TNFRSF25: variants seen among roughly 807,000 people sequenced by gnomAD.
TNFRSF25 encodes tumor necrosis factor receptor superfamily member 25.
TNFRSF25 carries 28 observed loss-of-function variants against 49.4 expected under a neutral mutation model. That is an observed-to-expected ratio of 0.57 (90% confidence interval 0.42 to 0.78). The LOEUF is 0.78. Ranked by LOEUF, TNFRSF25 falls within the 30% of genes least tolerant of loss-of-function variation. The probability of loss-of-function intolerance (pLI) is 0.00; values close to 1 mark genes in which losing one functional copy is unlikely to be tolerated. For missense variants in TNFRSF25, 531 were observed against 581.6 expected (o/e 0.91, Z 0.90); for synonymous variants, 240 against 234.2 (o/e 1.02, Z -0.23).
chr1:6,461,936 A>G lies in TNFRSF25; in HGVS notation c.925+58T>C. 4.5e-6 allele frequency: 7 copies of G among 1,544,528 alleles called. No individual in the cohort carries two copies. Among genetic ancestry groups the G allele is most frequent in the Non-Finnish European group, 6.1e-6 (7 of 1,148,746 alleles). On this transcript the variant is annotated intron_variant, in intron 9 of 9. Transcript: ENST00000356876. The surrounding 1 kb of genome is among the most constrained non-coding windows in gnomAD (Gnocchi z 6.3). ...AAAGGGAACACGTTGTGAAACCACA[A>G]CTTCCCACCGCAGACAGGAGAATGG...
chr1:6,465,984 G>A (rs1381915149), intron 1 of TNFRSF25, 85 bp downstream of exon 1: 2 of 1,510,070 alleles, frequency 1.3e-6, no homozygotes, highest in South Asian at 1.2e-5. Context: ...GGCTTGGAGT[G>A]GAGACGCGCC....
At chr1:6,465,959 C>T in intron 1 of TNFRSF25, 110 bp downstream of exon 1, 1 of 1,478,470 alleles carries the variant, frequency 6.8e-7, no homozygotes. Context: ...GGGCGGCCAA[C>T]CCAGCCCCCA....
At chr1:6,464,094 C>G (rs1644261111) in intron 5 of TNFRSF25, 1 of 1,307,710 alleles carries the variant, frequency 7.6e-7, no homozygotes, top group Non-Finnish European at 9.8e-7. Context: ...ATGTGACTCT[C>G]TGTGTAAGTG....
chr1:6,465,752 AG>A (rs942432945), intron 1 of TNFRSF25, 192 bp from the exon 2 acceptor site: 39 of 1,428,038 alleles, frequency 2.7e-5, no homozygotes, highest in Admixed American at 5.8e-5. Flanking sequence ...CAGGCTTCGG[AG>A]GGGGCGCTTA....
rs1003700687 is a variant in TNFRSF25 at position 6,465,985 on chromosome 1, G to C, written c.39+84C>G. 2.4e-5 allele frequency: 37 copies of C among 1,514,218 alleles called. 1 individual carries two copies. In the African/African-American group the frequency reaches 4.8e-4, roughly 20 times the overall value. The allele number at this position is 1,514,218 out of a possible 1,614,324, so 93.8% of individuals were successfully genotyped here. The stretch of plus-strand genomic sequence containing the variant: ...CCAGCCCCCAGTGAGGCTTGGAGTG[G>C]AGACGCGCCCGGGGCCCCTTCCTTC... On this transcript the variant is annotated intron_variant, in intron 1 of 9. Coordinates refer to ENST00000356876, the MANE Select transcript of TNFRSF25 (RefSeq NM_003790.3).
In TNFRSF25 at chr1:6,461,378, T is replaced by TAGGGCTAC; in HGVS notation, c.*55_*56insGTAGCCCT. On this transcript the variant is annotated 3_prime_UTR_variant, in exon 10 of 10. Transcript: ENST00000356876. The surrounding 1 kb of genome is among the most constrained non-coding windows in gnomAD (Gnocchi z 6.3). The stretch of plus-strand genomic sequence containing the variant: ...AAATGTCTACACGCATAAGTAACCG[T>TAGGGCTAC]ACTTAGGGCTTCTGCAAGGGCCACC... The TAGGGCTAC allele has an allele frequency of 1.4e-6, 2 of 1,469,818 alleles. No individual in the cohort carries two copies. Among genetic ancestry groups the TAGGGCTAC allele is most frequent in the South Asian group, 2.8e-5 (2 of 70,984 alleles). 91.0% of individuals were successfully genotyped at this position (1,469,818 alleles called of 1,614,324 possible).
At position 6,462,753 on chromosome 1, in the gene TNFRSF25, A is replaced by AC. The variant is rs753622499; in HGVS notation, c.707-88dup. 5.7e-6 allele frequency: 9 copies of AC among 1,582,290 alleles called. No homozygotes were observed. The highest frequency in any genetic ancestry group is 6.9e-6 in the Non-Finnish European group (8 of 1,163,640). On this transcript the variant is annotated intron_variant, in intron 7 of 9. Coordinates refer to ENST00000356876, the MANE Select transcript of TNFRSF25 (RefSeq NM_003790.3). The surrounding 1 kb of genome is among the most constrained non-coding windows in gnomAD (Gnocchi z 4.2). The stretch of plus-strand genomic sequence containing the variant: ...TACAGCTCCTCTAGGGTTCCTCTGC[A>AC]CCCCACACTCCCTGCCTCAGTTTCC...
chr1:6,462,198 G>A lies in TNFRSF25; in HGVS notation c.745-24C>T. On this transcript the variant is annotated intron_variant, in intron 8 of 9. Transcript: ENST00000356876. The surrounding 1 kb of genome is among the most constrained non-coding windows in gnomAD (Gnocchi z 4.2). ...GCCTGGAAGCCAAGAGGGGCCCCAG[G>A]TCAGCCCTGCTTGCCAAGTAAGGCC... The A allele has an allele frequency of 1.3e-6, 2 of 1,584,644 alleles. No homozygotes were observed. The highest frequency in any genetic ancestry group is 8.6e-7 in the Non-Finnish European group (1 of 1,164,332).
chr1:6,463,203 G>A, intron 5 of TNFRSF25, 76 bp from the exon 6 acceptor site: 2 of 1,444,296 alleles, frequency 1.4e-6, no homozygotes, highest in African/African-American at 2.8e-5. Flanking sequence ...CCCAGCATCT[G>A]CTCCATCCTA....
In TNFRSF25 at chr1:6,461,138, C is replaced by G. The variant is rs1414761386; in HGVS notation, c.*296G>C. The G allele has an allele frequency of 1.6e-6, 1 of 631,508 alleles. No homozygotes were observed. 39.1% of individuals were successfully genotyped at this position (631,508 alleles called of 1,614,324 possible). A position where few individuals can be genotyped will look rare whatever the true frequency, so the allele number is the denominator to read the frequency against. The stretch of plus-strand genomic sequence containing the variant: ...ACTTAACACCCCAGCCCCGCAGAAA[C>G]GCCAAGAAGCCGTTTTTGTTTTGTT... On this transcript the variant is annotated 3_prime_UTR_variant, in exon 10 of 10. Transcript: ENST00000356876. This position sits in a 1 kb window ranked among gnomAD's most constrained non-coding sequence, Gnocchi z 6.3.
chr1:6,461,743 T>A lies in TNFRSF25; in HGVS notation c.945A>T (p.Thr315=), dbSNP rs924240146. The change falls in exon 10 of 10, where the codon ACA becomes ACT. Residue 315 remains threonine (T), a synonymous_variant. Coordinates refer to ENST00000356876, the MANE Select transcript of TNFRSF25 (RefSeq NM_003790.3). The surrounding 1 kb of genome is among the most constrained non-coding windows in gnomAD (Gnocchi z 6.3). ...AGCCGGCTGGGGACTCTGGCGAGAG[T>A]GTGGGCGCAGCAGCGGGGCCTGGGG... ...SRALGPAAAP[T]LSPESPAGSP... 1 of 1,534,504 alleles carries A rather than the reference T, an allele frequency of 6.5e-7. No homozygotes were observed. The highest frequency in any genetic ancestry group is 8.7e-7 in the Non-Finnish European group (1 of 1,144,856).
chr1:6,465,621 C>A, intron 1 of TNFRSF25, 61 bp from the exon 2 acceptor site: 1 of 1,567,068 alleles, frequency 6.4e-7, no homozygotes, highest in East Asian at 2.4e-5. Flanking sequence ...CTCCCTGCTG[C>A]GTCTCCTCCA....
In TNFRSF25 at chr1:6,461,651, C is replaced by G. The variant is rs1314826177; in HGVS notation, c.1037G>C (p.Arg346Pro). 1.2e-6 allele frequency: 2 copies of G among 1,604,064 alleles called. No homozygotes were observed. Among genetic ancestry groups the G allele is most frequent in the Admixed American group, 1.7e-5 (1 of 59,658 alleles). Residue 346 changes from arginine (R) to proline (P), a missense_variant, in exon 10 of 10, where the codon CGC becomes CCC. Physicochemically the swap from Arg to Pro is moderately radical, Grantham distance 103. Coordinates refer to ENST00000356876, the MANE Select transcript of TNFRSF25 (RefSeq NM_003790.3). This position sits in a 1 kb window ranked among gnomAD's most constrained non-coding sequence, Gnocchi z 6.3. ...YDVMDAVPAR[R>P]WKEFVRTLGL... ...CAGCGTGCGCACGAACTCCTTCCAG[C>G]GCCGCGCTGGGACCGCGTCCATCAC... is the stretch of plus-strand genomic sequence containing the variant.
Position 6,465,094 on chromosome 1 carries a change from C to T in TNFRSF25, c.289G>A (p.Glu97Lys), listed in dbSNP as rs778683694. The T allele has an allele frequency of 4.3e-6, 7 of 1,612,946 alleles. No homozygotes were observed. In the South Asian group the frequency reaches 4.4e-5, roughly 10 times the overall value. ...GCACTGAGAAGCCCCTCACCCTGCT[C>T]ATCACAGGCCTGGCAGCGGGCACAT... ...SECARCQACDEQASQVALENC... is the reference protein window; with the variant it reads ...SECARCQACDKQASQVALENC... Residue 97 changes from glutamate to lysine, a missense_variant, in exon 3 of 10, where the codon GAG becomes AAG. Physicochemically the swap from Glu to Lys is moderately conservative, Grantham distance 56 (BLOSUM62 1). Coordinates refer to ENST00000356876, the MANE Select transcript of TNFRSF25 (RefSeq NM_003790.3).
Position 6,463,146 on chromosome 1 carries a change from G to C in TNFRSF25, c.543-19C>G, listed in dbSNP as rs1226342046. The C allele has an allele frequency of 9.0e-6, 14 of 1,550,260 alleles. No individual in the cohort carries two copies. Among genetic ancestry groups the C allele is most frequent in the Non-Finnish European group, 1.7e-6 (2 of 1,146,206 alleles). On this transcript the variant is annotated intron_variant, in intron 5 of 9. Transcript: ENST00000356876. ...GGTGCTCCTGCAAGGGACGGGGGTGGCCTGAGGGATGAGGGGGTGCATGCC... is the reference window on the plus strand; with the variant it reads ...GGTGCTCCTGCAAGGGACGGGGGTGCCCTGAGGGATGAGGGGGTGCATGCC...
In TNFRSF25 at chr1:6,462,359, GC is replaced by G; in HGVS notation, c.745-186del. 1.8e-6 allele frequency: 2 copies of G among 1,133,930 alleles called. No individual in the cohort carries two copies. The highest frequency in any genetic ancestry group is 1.2e-6 in the Non-Finnish European group (1 of 824,924). 70.2% of individuals were successfully genotyped at this position (1,133,930 alleles called of 1,614,324 possible). A position where few individuals can be genotyped will look rare whatever the true frequency, so the allele number is the denominator to read the frequency against. Reference sequence around the variant, plus strand: ...CTCTTGCTTCTGCCTTGAGTCCCCTGCCCCCGCCTCCTTCCTCTTGTCCCCC... The same window carrying G: ...CTCTTGCTTCTGCCTTGAGTCCCCTGCCCCGCCTCCTTCCTCTTGTCCCCC... On this transcript the variant is annotated intron_variant, in intron 8 of 9. Coordinates refer to ENST00000356876, the MANE Select transcript of TNFRSF25 (RefSeq NM_003790.3). This position sits in a 1 kb window ranked among gnomAD's most constrained non-coding sequence, Gnocchi z 4.2.
rs116290124 is a variant in TNFRSF25 at position 6,465,559 on chromosome 1, G to C, written c.41C>G (p.Ala14Gly). 2 of 1,612,294 alleles carry C rather than the reference G, an allele frequency of 1.2e-6. No individual in the cohort carries two copies. Among genetic ancestry groups the C allele is most frequent in the Admixed American group, 3.3e-5 (2 of 59,856 alleles). ...GGCCCCCAGCAGCACCAGGAGGAGC[G>C]CCTGGGGGACAGGTGCTGCTGACTC... ...RPRGCAAVAAALLLVLLGARA... is the reference protein window; with the variant it reads ...RPRGCAAVAAGLLLVLLGARA... Residue 14 changes from alanine (A) to glycine (G), a missense_variant and splice_region_variant, in exon 2 of 10, where the codon GCG becomes GGG. Coordinates refer to ENST00000356876, the MANE Select transcript of TNFRSF25 (RefSeq NM_003790.3).
intron 2 of TNFRSF25, 87 bp from the exon 3 acceptor site, chr1:6,465,309 C>G: frequency 1.0e-6 from 1 of 966,700 alleles, no homozygotes; most frequent in Non-Finnish European, 1.5e-6. Flanking sequence ...CTCCCTCTTT[C>G]TCTCCAGCTC....
At chr1:6,464,307 G>A (rs45599832) in intron 5 of TNFRSF25, 68 bp downstream of exon 5, 1 of 1,554,838 alleles carries the variant, frequency 6.4e-7, no homozygotes, top group Non-Finnish European at 8.7e-7. Context: ...AGCAGCACCT[G>A]CCCCACCCCA....
Sources: allele counts gnomAD v4.1 joint callset, GRCh38; gene constraint gnomAD v4.1.1; non-coding constraint Gnocchi (gnomAD v3.1); transcripts MANE v1.5; gene names NCBI Gene and HGNC (gene_info 2026-07-23, HGNC 2026-07-21).